Variants in ADAMTS6 observed in about 807,000 individuals in gnomAD.
ADAMTS6 encodes ADAM metallopeptidase with thrombospondin type 1 motif 6.
A neutral mutation model predicts 144.3 loss-of-function variants in ADAMTS6; 23 were observed. The observed-to-expected ratio is 0.16, with a 90% CI of 0.11 to 0.23. The LOEUF (loss-of-function observed/expected upper bound fraction) is 0.23. Among genes scored for constraint, ADAMTS6 ranks in the 10% least tolerant of loss-of-function variants. ADAMTS6 has a pLI of 1.00. For missense variants in ADAMTS6, 999 were observed against 1,379.6 expected (o/e 0.72, Z 4.37); for synonymous variants, 444 against 457.5 (o/e 0.97, Z 0.38).
intron 11 of ADAMTS6, among the ~76,000 whole-genome samples, chr5:65,288,366 C>A (rs900982173): frequency 6.8e-6 from 1 of 146,518 alleles, no homozygotes. Context: ...CCAGGCTGGA[C>A]TGGAGTGCAG....
chr5:65,428,207 CAG>C (rs1756713531), intron 7 of ADAMTS6, among the ~76,000 whole-genome samples: 1 of 113,708 alleles, frequency 8.8e-6, no homozygotes, highest in Non-Finnish European at 1.6e-5. Flanking sequence ...GCCTGCGCAA[CAG>C]AGTGAGACTC....
intron 14 of ADAMTS6, among the ~76,000 whole-genome samples, chr5:65,249,108 AG>A (rs1010976566): frequency 4.5e-4 from 69 of 152,148 alleles, no homozygotes; most frequent in Non-Finnish European, 5.9e-4. Context: ...TCCACCCACT[AG>A]GAATGTCAGG....
At chr5:65,312,729 T>C (rs1335351900) in intron 9 of ADAMTS6, among the ~76,000 whole-genome samples, 2 of 151,998 alleles carry the variant, frequency 1.3e-5, no homozygotes, top group East Asian at 3.8e-4. Context: ...TCAAAGAAAG[T>C]ACCATAATTT....
chr5:65,398,839 AGAAAGAAAG>A (rs1202691242), intron 7 of ADAMTS6, among the ~76,000 whole-genome samples: 1 of 130,418 alleles, frequency 7.7e-6, no homozygotes, highest in Non-Finnish European at 1.7e-5. Flanking sequence ...AAAGAAAGAA[AGAAAGAAAG>A]AAAAAGAAAG....
intron 9 of ADAMTS6, among the ~76,000 whole-genome samples, chr5:65,318,288 A>G (rs1745213985): frequency 6.6e-6 from 1 of 152,202 alleles, no homozygotes; most frequent in Non-Finnish European, 1.5e-5. Context: ...GTGGGAATGT[A>G]AATTAGTACA....
At chr5:65,356,557 A>C (rs1348450725) in intron 7 of ADAMTS6, among the ~76,000 whole-genome samples, 1 of 151,862 alleles carries the variant, frequency 6.6e-6, no homozygotes, top group Non-Finnish European at 1.5e-5. Context: ...AGCTCCAAAG[A>C]GCCATGCTTT....
chr5:65,414,465 A>G (rs1013637689), intron 7 of ADAMTS6, among the ~76,000 whole-genome samples: 1 of 152,130 alleles, frequency 6.6e-6, no homozygotes, highest in South Asian at 2.1e-4. Flanking sequence ...CCCTACACTA[A>G]ATGATGAAAA....
intron 15 of ADAMTS6, among the ~76,000 whole-genome samples, chr5:65,235,296 T>A (rs1354064235): frequency 6.6e-6 from 1 of 152,226 alleles, no homozygotes; most frequent in African/African-American, 2.4e-5. Flanking sequence ...ACAGCATATA[T>A]GTATATCAAA....
chr5:65,249,411 A>G (rs904525429), intron 14 of ADAMTS6, among the ~76,000 whole-genome samples: 1 of 152,196 alleles, frequency 6.6e-6, no homozygotes, highest in African/African-American at 2.4e-5. Flanking sequence ...TGTACTGCAT[A>G]TGTGGGCAGC....
At chr5:65,226,005 AAC>A in intron 16 of ADAMTS6, 79 bp downstream of exon 16, 1 of 1,384,624 alleles carries the variant, frequency 7.2e-7, no homozygotes, top group Non-Finnish European at 9.5e-7. Context: ...TAAAAAATTA[AAC>A]ATAGTATTAA....
chr5:65,224,960 T>A lies in ADAMTS6; in HGVS notation c.2155A>T (p.Ile719Phe), dbSNP rs1176018038. The A allele has an allele frequency of 6.2e-7, 1 of 1,613,962 alleles. No individual in the cohort carries two copies. Among genetic ancestry groups the A allele is most frequent in the Non-Finnish European group, 8.5e-7 (1 of 1,180,002 alleles). The change falls in exon 17 of 25, where the codon ATT becomes TTT. Residue 719 changes from isoleucine to phenylalanine, a missense_variant. Ile to Phe is a conservative substitution (Grantham distance 21). Coordinates refer to ENST00000381055, the MANE Select transcript of ADAMTS6 (RefSeq NM_197941.4). ...AGTGAATCATTGAAGAACCCTTCAA[T>A]GGCATCACATGTGCTTCCGTCCCCT... ...CGGDGSTCDAIEGFFNDSLPR... is the reference protein window; with the variant it reads ...CGGDGSTCDAFEGFFNDSLPR...
chr5:65,196,551 A>AAAAAAG (rs1561269572), intron 21 of ADAMTS6, among the ~76,000 whole-genome samples: 3 of 146,532 alleles, frequency 2.0e-5, no homozygotes, highest in African/African-American at 7.7e-5. Context: ...AAAAAAAAAA[A>AAAAAAG]AGAGGTCTTT....
intron 7 of ADAMTS6, among the ~76,000 whole-genome samples, chr5:65,371,323 G>A (rs181109439): frequency 1.6e-3 from 248 of 152,252 alleles, no homozygotes; most frequent in African/African-American, 5.6e-3. Context: ...AAATTACTCC[G>A]AACTACGGGA....
intron 14 of ADAMTS6, chr5:65,251,874 C>G (rs370168986): frequency 2.0e-5 from 3 of 152,112 alleles, no homozygotes; most frequent in Non-Finnish European, 4.4e-5. Flanking sequence ...TCTTTGAAAT[C>G]GGGTTAAGAG....
chr5:65,313,335 C>T (rs139197688), intron 9 of ADAMTS6, among the ~76,000 whole-genome samples: 4 of 152,058 alleles, frequency 2.6e-5, no homozygotes, highest in African/African-American at 4.8e-5. Flanking sequence ...AATGTCTTTA[C>T]GTTATTGTTT....
At chr5:65,470,727 G>T in intron 3 of ADAMTS6, 51 bp downstream of exon 3, 3 of 1,462,500 alleles carry the variant, frequency 2.1e-6, no homozygotes, top group South Asian at 1.5e-5. Flanking sequence ...CATTTACATT[G>T]CAAAATTCTT....
At chr5:65,288,277 G>T (rs1432471822) in intron 11 of ADAMTS6, among the ~76,000 whole-genome samples, 2 of 151,074 alleles carry the variant, frequency 1.3e-5, no homozygotes, top group Non-Finnish European at 3.0e-5. Flanking sequence ...AGATCCTTCG[G>T]TAGTTCTTTT....
chr5:65,462,017 T>C (rs1759671329), intron 3 of ADAMTS6, among the ~76,000 whole-genome samples: 1 of 152,146 alleles, frequency 6.6e-6, no homozygotes, highest in Admixed American at 6.5e-5. Context: ...AGCTGAGGAA[T>C]GCAAACAAAA....
At chr5:65,397,345 C>A (rs1041598534) in intron 7 of ADAMTS6, among the ~76,000 whole-genome samples, 3 of 151,674 alleles carry the variant, frequency 2.0e-5, no homozygotes, top group East Asian at 1.9e-4. Context: ...TATTCATTTT[C>A]TTCTGCTTAC....
Sources: gnomAD v4.1 joint callset for allele counts (sites outside exome capture counted in the v4.1 genomes callset) on GRCh38, gnomAD v4.1.1 for gene constraint, MANE v1.5 for transcripts, NCBI Gene and HGNC (gene_info 2026-07-23, HGNC 2026-07-21) for gene names.